Variants in CNTN5 observed in about 807,000 individuals in gnomAD.
The protein encoded by CNTN5 is contactin 5, also known as contactin-5.
In CNTN5, 77 loss-of-function variants were observed where a neutral mutation model predicts 129.1. That is an observed-to-expected ratio of 0.60 (90% CI 0.50 to 0.72). The LOEUF (loss-of-function observed/expected upper bound fraction) is 0.72, where lower values mean the gene tolerates loss of function less well. Ranked by LOEUF, CNTN5 falls within the 30% of genes least tolerant of loss-of-function variation. The pLI is 0.00. For missense variants in CNTN5, 1,478 were observed against 1,328.8 expected (o/e 1.11, Z -1.75); for synonymous variants, 509 against 465.6 (o/e 1.09, Z -1.20).
intron 6 of CNTN5, among the ~76,000 whole-genome samples, chr11:99,875,745 A>G (rs528177096): frequency 2.8e-4 from 43 of 152,090 alleles, no homozygotes; most frequent in Non-Finnish European, 5.3e-4. Flanking sequence ...ACCTTTTTTA[A>G]AGGATATATA....
intron 7 of CNTN5, among the ~76,000 whole-genome samples, chr11:99,950,249 C>G (rs906979279): frequency 6.6e-6 from 1 of 152,088 alleles, no homozygotes; most frequent in East Asian, 1.9e-4. Flanking sequence ...AAGGCCGAGG[C>G]GGGTGGATCA....
intron 6 of CNTN5, among the ~76,000 whole-genome samples, chr11:99,909,903 T>G (rs1309666815): frequency 6.6e-6 from 1 of 152,024 alleles, no homozygotes; most frequent in Non-Finnish European, 1.5e-5. Flanking sequence ...ATGGCACATG[T>G]ATACATATGT....
At chr11:99,585,662 A>C (rs978940953) in intron 3 of CNTN5, among the ~76,000 whole-genome samples, 4 of 152,140 alleles carry the variant, frequency 2.6e-5, no homozygotes, top group Admixed American at 6.5e-5. Context: ...TTATTTTCCA[A>C]CTGTAAATGG....
At chr11:99,252,008 C>T (rs1862132563) in intron 1 of CNTN5, among the ~76,000 whole-genome samples, 1 of 151,950 alleles carries the variant, frequency 6.6e-6, no homozygotes, top group African/African-American at 2.4e-5. Context: ...TTTCAAATTG[C>T]ATCTTTATCA....
intron 1 of CNTN5, among the ~76,000 whole-genome samples, chr11:99,241,079 A>G (rs564650101): frequency 6.6e-6 from 1 of 152,302 alleles, no homozygotes; most frequent in East Asian, 1.9e-4. Flanking sequence ...TTTATTTTGT[A>G]ATTATAACCT....
chr11:99,048,005 C>G (rs1342663577), intron 1 of CNTN5, among the ~76,000 whole-genome samples: 1 of 151,476 alleles, frequency 6.6e-6, no homozygotes, highest in Non-Finnish European at 1.5e-5. Context: ...TGAAAAAAAG[C>G]AGTATATTTT....
intron 1 of CNTN5, among the ~76,000 whole-genome samples, chr11:99,301,404 T>G (rs1864628156): frequency 6.6e-6 from 1 of 151,646 alleles, no homozygotes; most frequent in Admixed American, 6.6e-5. Context: ...ATAGTAGATA[T>G]GCCCATTTAA....
chr11:99,240,329 A>G (rs1861484379), intron 1 of CNTN5, among the ~76,000 whole-genome samples: 1 of 152,196 alleles, frequency 6.6e-6, no homozygotes, highest in South Asian at 2.1e-4. Context: ...AGGAAAAAGT[A>G]GAGAACGGGC....
At chr11:99,359,776 G>C (rs1421953638) in intron 2 of CNTN5, among the ~76,000 whole-genome samples, 1 of 151,978 alleles carries the variant, frequency 6.6e-6, no homozygotes, top group Non-Finnish European at 1.5e-5. Context: ...CTGAAATCGA[G>C]CAAGTTACGT....
chr11:100,122,190 T>A (rs1489166608), intron 13 of CNTN5, among the ~76,000 whole-genome samples: 1 of 151,950 alleles, frequency 6.6e-6, no homozygotes, highest in Non-Finnish European at 1.5e-5. Flanking sequence ...CAGTTTGAGG[T>A]TGAAGACCTG....
At chr11:99,774,414 A>C in intron 3 of CNTN5, among the ~76,000 whole-genome samples, 1 of 151,672 alleles carries the variant, frequency 6.6e-6, no homozygotes, top group African/African-American at 2.4e-5. Context: ...TTGTTTATAA[A>C]GTTTGTGTGT....
rs532323070 is a variant in CNTN5 at position 99,863,712 on chromosome 11, A to G, written c.577+18450A>G. Among the ~76,000 whole-genome samples, 12 of 152,340 alleles carry G rather than the reference A, an allele frequency of 7.9e-5. No individual in the cohort carries two copies. The East Asian group carries it at 2.3e-3, about 29-fold the overall frequency. ...TTTCTAGCACCTAAAATTTATAGCTACTATTGCTGTTGTTAGCCTAAACTA... is the reference window on the plus strand; with the variant it reads ...TTTCTAGCACCTAAAATTTATAGCTGCTATTGCTGTTGTTAGCCTAAACTA... On this transcript the variant is annotated intron_variant, in intron 6 of 24. Transcript: ENST00000524871.
chr11:99,160,885 A>G (rs1195268650), intron 1 of CNTN5, among the ~76,000 whole-genome samples: 1 of 152,340 alleles, frequency 6.6e-6, no homozygotes, highest in Non-Finnish European at 1.5e-5. Flanking sequence ...GGGCAGAAAG[A>G]TGATGAATGA....
At chr11:100,072,990 C>CAAAAAAAAAAAAAAAAAAAAAAA (rs61042118) in intron 12 of CNTN5, among the ~76,000 whole-genome samples, 4 of 79,072 alleles carry the variant, frequency 5.1e-5, no homozygotes, top group African/African-American at 2.4e-4. Context: ...TCCCAGGAGG[C>CAAAAAAAAAAAAAAAAAAAAAAA]AAAAAAAAAA....
At chr11:99,675,971 A>T (rs12365643) in intron 3 of CNTN5, among the ~76,000 whole-genome samples, 166 of 152,022 alleles carry the variant, frequency 1.1e-3, no homozygotes, top group African/African-American at 3.8e-3. Context: ...CTCTATAGAT[A>T]TTATGATTTT....
At chr11:99,397,054 C>T (rs1459144563) in intron 2 of CNTN5, among the ~76,000 whole-genome samples, 1 of 151,700 alleles carries the variant, frequency 6.6e-6, no homozygotes, top group Non-Finnish European at 1.5e-5. Flanking sequence ...ACAAAGTCAA[C>T]ATTTAACCTC....
rs551747530 is a variant in CNTN5, at chr11:99,529,853, A to G, written c.-70-26292A>G. Among the ~76,000 whole-genome samples the G allele has an allele frequency of 3.3e-5, 5 of 152,320 alleles. No homozygotes were observed. The South Asian group carries it at 1.0e-3, about 32-fold the overall frequency. Reference sequence around the variant, plus strand: ...GAGTGGAGTATGGAAAAGAAAAAATATGAGAATGAAAAACCAGTGAAATAA... The same window carrying G: ...GAGTGGAGTATGGAAAAGAAAAAATGTGAGAATGAAAAACCAGTGAAATAA... On this transcript the variant is annotated intron_variant, in intron 2 of 24. Transcript: ENST00000524871.
rs573079707 is a variant in CNTN5, at chr11:100,170,483, T to C, written c.1581-20643T>C. Among the ~76,000 whole-genome samples the C allele has an allele frequency of 4.6e-5, 7 of 152,122 alleles. No homozygotes were observed. The South Asian group carries it at 1.5e-3, about 32-fold the overall frequency. On this transcript the variant is annotated intron_variant, in intron 13 of 24. Coordinates refer to ENST00000524871, the MANE Select transcript of CNTN5 (RefSeq NM_014361.4). Reference sequence around the variant, plus strand: ...CTAAGCCCTACACTCAACCAACATTTTAACTTATTCTTGATTTCCTCATAT... The same window carrying C: ...CTAAGCCCTACACTCAACCAACATTCTAACTTATTCTTGATTTCCTCATAT...
chr11:99,168,048 C>A (rs577082418), intron 1 of CNTN5, among the ~76,000 whole-genome samples: 20 of 152,030 alleles, frequency 1.3e-4, no homozygotes, highest in African/African-American at 4.3e-4. Flanking sequence ...GGATTCCCCC[C>A]ACTGCCTGCC....
Sources: gnomAD v4.1 joint callset for allele counts (sites outside exome capture counted in the v4.1 genomes callset) on GRCh38, gnomAD v4.1.1 for gene constraint, MANE v1.5 for transcripts, NCBI Gene and HGNC (gene_info 2026-07-23, HGNC 2026-07-21) for gene names.